Variants in RAVER1 observed in about 807,000 individuals in gnomAD.
RAVER1 encodes the protein ribonucleoprotein PTB-binding 1.
Under a neutral mutation model 68.4 loss-of-function variants are expected in RAVER1, and 36 were observed. The ratio of observed to expected loss-of-function variants is 0.53; its 90% CI spans 0.40 to 0.70. The LOEUF (loss-of-function observed/expected upper bound fraction) is 0.70, where lower values mean the gene tolerates loss of function less well. Ranked by LOEUF, RAVER1 falls within the 30% of genes least tolerant of loss-of-function variation. The probability of loss-of-function intolerance (pLI) is 0.00; values close to 1 mark genes in which losing one functional copy is unlikely to be tolerated. For synonymous variants in RAVER1, 469 were observed against 472.7 expected, an observed-to-expected ratio of 0.99 and a Z score of 0.10; for missense variants, 933 against 1,019.8, an observed-to-expected ratio of 0.91 and a Z score of 1.16.
rs2040449839 is a variant in RAVER1 at position 10,323,078 on chromosome 19, G to C, written c.1078+67C>G. ...CTGCAGCCAAGATGAGCAGTTTCGGGAAGTGCCGGGGGCAGCGCTGCAGCC... is the reference window on the plus strand; with the variant it reads ...CTGCAGCCAAGATGAGCAGTTTCGGCAAGTGCCGGGGGCAGCGCTGCAGCC... On this transcript the variant is annotated intron_variant, in intron 5 of 12. Transcript: ENST00000617231. This position sits in a 1 kb window ranked among gnomAD's most constrained non-coding sequence, Gnocchi z 6.2. The C allele has an allele frequency of 7.4e-7, 1 of 1,344,182 alleles. No homozygotes were observed. The highest frequency in any genetic ancestry group is 1.0e-6 in the Non-Finnish European group (1 of 996,962). 83.3% of individuals were successfully genotyped at this position (1,344,182 alleles called of 1,614,324 possible).
rs781694037 is a variant in RAVER1, at chr19:10,317,740, C to T, written c.2023G>A (p.Gly675Arg). 5 of 1,597,118 alleles carry T rather than the reference C, an allele frequency of 3.1e-6. No individual in the cohort carries two copies. In the Admixed American group the frequency reaches 8.6e-5, roughly 27 times the overall value. Reference protein sequence around the residue: ...IGSSPLGSGEGLLGLSPGPNG... With the variant: ...IGSSPLGSGERLLGLSPGPNG... The stretch of plus-strand genomic sequence containing the variant: ...GGCCCGGGGCTGAGGCCCAGGAGCC[C>T]TTCTCCGGACCCCAGCGGGGAAGAG... The change falls in exon 12 of 13, where the codon GGG (glycine) becomes AGG (arginine). Residue 675 changes from glycine (G) to arginine (R), a missense_variant. Physicochemically the swap from Gly to Arg is moderately radical, Grantham distance 125. Around this residue, in one of 3 missense-constraint regions of RAVER1, gnomAD observed 699 missense variants for 731.1 expected, o/e 0.96. Transcript: ENST00000617231. The surrounding 1 kb of genome is among the most constrained non-coding windows in gnomAD (Gnocchi z 4.3).
Position 10,321,120 on chromosome 19 carries a change from G to A in RAVER1, c.1401C>T (p.Ala467=), listed in dbSNP as rs1599299721. ...PPAAQLTPPP[A]PVGLRGSGLR... ...GGCCAGAGCCTCGGAGCCCCACAGG[G>A]GCGGGGGGAGGAGTGAGCTGGGCCG... The change falls in exon 8 of 13, where the codon GCC becomes GCT. Residue 467 remains alanine, a synonymous_variant. Transcript: ENST00000617231. 1 of 1,316,070 alleles carries A rather than the reference G, an allele frequency of 7.6e-7. No homozygotes were observed. Among genetic ancestry groups the A allele is most frequent in the East Asian group, 3.1e-5 (1 of 32,082 alleles). The allele number at this position is 1,316,070 out of a possible 1,614,324, so 81.5% of individuals were successfully genotyped here.
Position 10,322,583 on chromosome 19 carries a change from G to T in RAVER1, c.1173+62C>A. ...TCCCCCCACCCCACCGATCGCACCA[G>T]CTGTGTTGAAAAGAGCCTGTAGGGG... On this transcript the variant is annotated intron_variant, in intron 6 of 12. Coordinates refer to ENST00000617231, the MANE Select transcript of RAVER1 (RefSeq NM_133452.3). This position sits in a 1 kb window ranked among gnomAD's most constrained non-coding sequence, Gnocchi z 4.3. 1 of 1,207,730 alleles carries T rather than the reference G, an allele frequency of 8.3e-7. No homozygotes were observed. The highest frequency in any genetic ancestry group is 1.1e-6 in the Non-Finnish European group (1 of 875,562). The allele number at this position is 1,207,730 out of a possible 1,614,324, so 74.8% of individuals were successfully genotyped here.
At position 10,333,264 on chromosome 19, in the gene RAVER1, G is replaced by C. The variant is rs761292692; in HGVS notation, c.219+25C>G. 6.3e-7 allele frequency: 1 copy of C among 1,587,720 alleles called. No homozygotes were observed. Among genetic ancestry groups the C allele is most frequent in the South Asian group, 1.1e-5 (1 of 89,906 alleles). On this transcript the variant is annotated intron_variant, in intron 1 of 12. Transcript: ENST00000617231. This position sits in a 1 kb window ranked among gnomAD's most constrained non-coding sequence, Gnocchi z 4.2. ...CGCGCACCGTGGTATTTCCCGCCAC[G>C]CTCCTACACCGCCCCCCCCAATACC...
Position 10,316,393 on chromosome 19 carries a change from G to A in RAVER1, c.*1061C>T, listed in dbSNP as rs933115656. ...GGGTCACCTCAGGTCGACAGGTCCT[G>A]CTGGTGGGCGGGCCCAGAGTTTATC... On this transcript the variant is annotated 3_prime_UTR_variant, in exon 13 of 13. Coordinates refer to ENST00000617231, the MANE Select transcript of RAVER1 (RefSeq NM_133452.3). 2.9e-6 allele frequency: 3 copies of A among 1,047,134 alleles called. No homozygotes were observed. Among genetic ancestry groups the A allele is most frequent in the African/African-American group, 3.4e-5 (2 of 58,238 alleles). The allele number at this position is 1,047,134 out of a possible 1,614,324, so 64.9% of individuals were successfully genotyped here. A position where few individuals can be genotyped will look rare whatever the true frequency, so the allele number is the denominator to read the frequency against.
At position 10,328,675 on chromosome 19, in the gene RAVER1, C is replaced by T. The variant is rs114631061; in HGVS notation, c.723G>A (p.Ala241=). 1.6e-4 allele frequency: 259 copies of T among 1,580,780 alleles called. No homozygotes were observed. The African/African-American group carries it at 2.8e-3, about 17-fold the overall frequency. The change falls in exon 3 of 13, where the codon GCG becomes GCA. Residue 241 remains alanine (A), a synonymous_variant. Coordinates refer to ENST00000617231, the MANE Select transcript of RAVER1 (RefSeq NM_133452.3). This position sits in a 1 kb window ranked among gnomAD's most constrained non-coding sequence, Gnocchi z 4.4. ...AGGTGGGGCTGTGGACAGCTGACAG[C>T]GCCCGGCACAGAGCGTCCACATCGT... The part of the protein sequence containing the change: ...GFNDVDALCR[A]LSAVHSPTFC...
intron 3 of RAVER1, among the ~76,000 whole-genome samples, chr19:10,324,279 G>A (rs2040460320): frequency 6.6e-6 from 1 of 152,202 alleles, no homozygotes; most frequent in Admixed American, 6.5e-5. Context: ...GGCACTTGCT[G>A]AATGCCCGGG....
intron 3 of RAVER1, among the ~76,000 whole-genome samples, chr19:10,326,874 C>T (rs1268100863): frequency 6.7e-6 from 1 of 150,284 alleles, no homozygotes. Flanking sequence ...ACAAGCGATT[C>T]TCCTGCCTCA....
chr19:10,326,089 C>T (rs754225280), intron 3 of RAVER1, among the ~76,000 whole-genome samples: 3 of 152,026 alleles, frequency 2.0e-5, no homozygotes, highest in Non-Finnish European at 4.4e-5. Context: ...AACCCCATCT[C>T]TATTAAAAAC....
In RAVER1 at chr19:10,322,609, C is replaced by A; in HGVS notation, c.1173+36G>T. The stretch of plus-strand genomic sequence containing the variant: ...CTGTGTTGAAAAGAGCCTGTAGGGG[C>A]TGTAGAGCAGTGGGTGAGGGGGATG... On this transcript the variant is annotated intron_variant, in intron 6 of 12. Coordinates refer to ENST00000617231, the MANE Select transcript of RAVER1 (RefSeq NM_133452.3). The surrounding 1 kb of genome is among the most constrained non-coding windows in gnomAD (Gnocchi z 4.3). The A allele has an allele frequency of 7.2e-7, 1 of 1,382,986 alleles. No homozygotes were observed. The highest frequency in any genetic ancestry group is 9.8e-7 in the Non-Finnish European group (1 of 1,022,328). The allele number at this position is 1,382,986 out of a possible 1,614,324, so 85.7% of individuals were successfully genotyped here. A position where few individuals can be genotyped will look rare whatever the true frequency, so the allele number is the denominator to read the frequency against.
chr19:10,323,709 C>T lies in RAVER1; in HGVS notation c.757-143G>A, dbSNP rs1440624796. On this transcript the variant is annotated intron_variant, in intron 3 of 12. Transcript: ENST00000617231. The surrounding 1 kb of genome is among the most constrained non-coding windows in gnomAD (Gnocchi z 6.2). ...TCCACTGCCCTGTGCCTCATTCCTG[C>T]ATCAGCTCATCTGATTTTCCCAATG... 2.5e-6 allele frequency: 2 copies of T among 816,122 alleles called. No individual in the cohort carries two copies. Among genetic ancestry groups the T allele is most frequent in the Admixed American group, 2.9e-5 (1 of 33,956 alleles). 50.6% of individuals were successfully genotyped at this position (816,122 alleles called of 1,614,324 possible).
chr19:10,326,258 A>G (rs1481393409), intron 3 of RAVER1, among the ~76,000 whole-genome samples: 1 of 152,218 alleles, frequency 6.6e-6, no homozygotes, highest in Non-Finnish European at 1.5e-5. Flanking sequence ...CTGTCTTAAA[A>G]AAATATAAAA....
intron 6 of RAVER1, 141 bp from the exon 7 acceptor site, chr19:10,321,759 G>A: frequency 1.9e-6 from 1 of 517,686 alleles, no homozygotes; most frequent in Non-Finnish European, 3.1e-6. Context: ...GTTCCCCAGT[G>A]CCCGCCACAC....
rs2040430076 is a variant in RAVER1, at chr19:10,320,713, C to T, written c.1712G>A (p.Ser571Asn). Residue 571 changes from serine (S) to asparagine (N), a missense_variant, in exon 9 of 13, where the codon AGC (serine) becomes AAC (asparagine). Physicochemically the swap from Ser to Asn is conservative, Grantham distance 46. This residue lies in a region of RAVER1 where 699 missense variants were observed against 731.1 expected (regional missense o/e 0.96). Coordinates refer to ENST00000617231, the MANE Select transcript of RAVER1 (RefSeq NM_133452.3). ...TCCTGGTTCGGGGGGCAGGCGGGCG[C>T]TGCTGAGGGGGCTGAGCAGGCGGGA... is the stretch of plus-strand genomic sequence containing the variant. ...LKSRLLSPLS[S>N]ARLPPEPGLS... 1 of 1,544,456 alleles carries T rather than the reference C, an allele frequency of 6.5e-7. No individual in the cohort carries two copies. The highest frequency in any genetic ancestry group is 2.5e-5 in the East Asian group (1 of 40,332).
At position 10,322,448 on chromosome 19, in the gene RAVER1, G is replaced by T. The variant is rs905308077; in HGVS notation, c.1173+197C>A. ...CTCTCAGAATGGAGGGAAAGATGGC[G>T]AACCATCATGAGCAATTGCCAGAGG... On this transcript the variant is annotated intron_variant, in intron 6 of 12. Transcript: ENST00000617231. This position sits in a 1 kb window ranked among gnomAD's most constrained non-coding sequence, Gnocchi z 4.3. The T allele has an allele frequency of 1.2e-5, 6 of 515,934 alleles. No homozygotes were observed. Among genetic ancestry groups the T allele is most frequent in the Non-Finnish European group, 2.0e-5 (6 of 297,530 alleles). The allele number at this position is 515,934 out of a possible 1,614,324, so 32.0% of individuals were successfully genotyped here.
At chr19:10,318,102 G>T in intron 11 of RAVER1, 127 bp downstream of exon 11, 2 of 788,584 alleles carry the variant, frequency 2.5e-6, no homozygotes, top group South Asian at 1.8e-5. Context: ...TCCACCCTGA[G>T]CAAGACCAAC....
Position 10,323,493 on chromosome 19 carries a change from T to A in RAVER1, c.830A>T (p.Glu277Val). Residue 277 changes from glutamate (E) to valine (V), a missense_variant, in exon 4 of 13, where the codon GAG (glutamate) becomes GTG (valine). Coordinates refer to ENST00000617231, the MANE Select transcript of RAVER1 (RefSeq NM_133452.3). The surrounding 1 kb of genome is among the most constrained non-coding windows in gnomAD (Gnocchi z 6.2). ...LEYETAEMAE[E>V]AQQQADGLSL... The stretch of plus-strand genomic sequence containing the variant: ...CAGGCCGTCCGCCTGCTGCTGTGCC[T>A]CCTCCGCCATCTCAGCCGTCTCATA... 1.9e-6 allele frequency: 3 copies of A among 1,609,352 alleles called. No individual in the cohort carries two copies. The highest frequency in any genetic ancestry group is 2.5e-6 in the Non-Finnish European group (3 of 1,179,638).
chr19:10,327,964 C>T (rs1192569183), intron 3 of RAVER1, among the ~76,000 whole-genome samples: 2 of 152,154 alleles, frequency 1.3e-5, no homozygotes, highest in African/African-American at 2.4e-5. Flanking sequence ...ACCCATTGTG[C>T]AAGTATTGAG....
At chr19:10,326,613 T>TC (rs1197723995) in intron 3 of RAVER1, among the ~76,000 whole-genome samples, 4 of 144,754 alleles carry the variant, frequency 2.8e-5, no homozygotes, top group Middle Eastern at 3.5e-3. Context: ...CCTGGCTACC[T>TC]TTTTTTTTTT....
Sources: allele counts gnomAD v4.1 joint callset (sites outside exome capture counted in the v4.1 genomes callset), GRCh38; gene constraint gnomAD v4.1.1; regional missense constraint gnomAD v4.1.1; non-coding constraint Gnocchi (gnomAD v3.1); transcripts MANE v1.5; gene names NCBI Gene and HGNC (gene_info 2026-07-23, HGNC 2026-07-21).